Variants in MRTFB observed in about 807,000 individuals in gnomAD.
The protein encoded by MRTFB is myocardin-related transcription factor B.
A neutral mutation model predicts 104.2 loss-of-function variants in MRTFB; 29 were observed. That is an observed-to-expected ratio of 0.28 (90% confidence interval 0.21 to 0.38). The LOEUF (loss-of-function observed/expected upper bound fraction) is 0.38. Among genes scored for constraint, MRTFB ranks in the 10% least tolerant of loss-of-function variants. The pLI is 1.00. For missense variants in MRTFB, 1,270 were observed against 1,341.6 expected (o/e 0.95, Z 0.83); for synonymous variants, 535 against 519.5 (o/e 1.03, Z -0.41).
chr16:14,216,672 C>T (rs1347935948), intron 6 of MRTFB, among the ~76,000 whole-genome samples: 3 of 151,990 alleles, frequency 2.0e-5, no homozygotes, highest in Admixed American at 2.0e-4. Context: ...TAGCTCTTCC[C>T]ATTGACCTCT....
At chr16:14,160,739 A>G (rs147388895) in intron 3 of MRTFB, among the ~76,000 whole-genome samples, 8 of 152,162 alleles carry the variant, frequency 5.3e-5, no homozygotes, top group African/African-American at 1.7e-4. Flanking sequence ...ACTTACAGAT[A>G]TTTTATTTTT....
the MRTFB span, among the ~76,000 whole-genome samples, chr16:14,048,328 G>C: frequency 6.6e-6 from 1 of 152,176 alleles, no homozygotes; most frequent in Admixed American, 6.5e-5. Context: ...ATGGGATAGA[G>C]GGCTCCTGGA....
chr16:14,127,930 T>TATATATA (rs1491428460), intron 2 of MRTFB, among the ~76,000 whole-genome samples: 111 of 31,504 alleles, frequency 3.5e-3, no homozygotes, highest in African/African-American at 5.2e-3. Context: ...TATATATATA[T>TATATATA]TTTTTTTTTT....
chr16:14,118,658 C>T (rs9927974), intron 2 of MRTFB, among the ~76,000 whole-genome samples: 11,113 of 151,474 alleles, frequency 0.073, 770 homozygotes, highest in African/African-American at 0.18. Flanking sequence ...AAAAATTAGC[C>T]TGGTGTGGTG....
intron 8 of MRTFB, among the ~76,000 whole-genome samples, chr16:14,225,576 T>G (rs2151265803): frequency 6.6e-6 from 1 of 152,296 alleles, no homozygotes; most frequent in Non-Finnish European, 1.5e-5. Flanking sequence ...CAAACCCAGT[T>G]TCTCAGAGAG....
chr16:14,084,627 A>G (rs766716947), intron 2 of MRTFB, among the ~76,000 whole-genome samples: 4 of 152,344 alleles, frequency 2.6e-5, no homozygotes, highest in East Asian at 1.9e-4. Flanking sequence ...GGAATAGCAT[A>G]TAGAATATGA....
rs560457480 is a variant in MRTFB, at chr16:14,264,087, T to C, written c.*2643T>C. 6.6e-6 allele frequency: 1 copy of C among 152,348 alleles called. No homozygotes were observed. The highest frequency in any genetic ancestry group is 2.1e-4 in the South Asian group (1 of 4,834). The allele number at this position is 152,348 out of a possible 1,614,324, so 9.4% of individuals were successfully genotyped here. On this transcript the variant is annotated 3_prime_UTR_variant, in exon 17 of 17. Transcript: ENST00000571589. ...GATATTGACTAAAGACTGGTTGTTG[T>C]TGTTGTTTAGGTTAGTGTCACAGCC...
chr16:14,022,746 C>CTTTTTTTTTTT, the MRTFB span, among the ~76,000 whole-genome samples: 7 of 88,670 alleles, frequency 7.9e-5, no homozygotes, highest in African/African-American at 3.0e-4. Flanking sequence ...TAATACTGTT[C>CTTTTTTTTTTT]TTTTTTTTTT....
At chr16:14,234,321 A>G (rs2042401940) in intron 9 of MRTFB, 38 bp downstream of exon 9, 5 of 1,606,444 alleles carry the variant, frequency 3.1e-6, no homozygotes, top group Middle Eastern at 1.7e-4. Context: ...TGGTGGCTTT[A>G]TTTGTGACTC....
intron 1 of MRTFB, among the ~76,000 whole-genome samples, chr16:14,078,335 C>A (rs776543470): frequency 2.2e-4 from 33 of 151,144 alleles, no homozygotes; most frequent in Non-Finnish European, 4.7e-4. Flanking sequence ...TGACTTTGAT[C>A]TTTTTTTTTG....
intron 3 of MRTFB, among the ~76,000 whole-genome samples, chr16:14,174,790 A>T (rs1385208141): frequency 2.0e-5 from 3 of 152,176 alleles, no homozygotes; most frequent in African/African-American, 7.2e-5. Context: ...CCTGATCTGT[A>T]ATACACATCA....
intron 3 of MRTFB, among the ~76,000 whole-genome samples, chr16:14,183,052 C>T (rs1373036389): frequency 6.6e-6 from 1 of 152,002 alleles, no homozygotes; most frequent in Non-Finnish European, 1.5e-5. Flanking sequence ...AAGCACCTTC[C>T]CACAGAATAA....
the MRTFB span, among the ~76,000 whole-genome samples, chr16:13,998,569 C>A: frequency 2.6e-5 from 4 of 151,800 alleles, no homozygotes; most frequent in South Asian, 8.3e-4. Flanking sequence ...TCACTTGAAC[C>A]CAGGAGTTTG....
At chr16:14,027,993 G>A in the MRTFB span, among the ~76,000 whole-genome samples, 1 of 152,074 alleles carries the variant, frequency 6.6e-6, no homozygotes, top group Non-Finnish European at 1.5e-5. Context: ...CCTGGCCAAT[G>A]TGGCGAAATC....
At position 14,134,328 on chromosome 16, in the gene MRTFB, C is replaced by A. The variant is rs375366722; in HGVS notation, c.-63-6216C>A. ...AAAATCCAACAGCTACAAATAAAAACTCTACTTAGAAGTTATTTATTTGAA... is the reference window on the plus strand; with the variant it reads ...AAAATCCAACAGCTACAAATAAAAAATCTACTTAGAAGTTATTTATTTGAA... On this transcript the variant is annotated intron_variant, in intron 2 of 16. Transcript: ENST00000571589. Among the ~76,000 whole-genome samples the A allele has an allele frequency of 9.5e-3, 1,451 of 152,270 alleles. 25 individuals are homozygous for A. The highest frequency in any genetic ancestry group is 0.033 in the African/African-American group (1,381 of 41,534).
Position 14,187,315 on chromosome 16 carries a change from T to G in MRTFB, c.155-22928T>G, listed in dbSNP as rs2039991708. Among the ~76,000 whole-genome samples the G allele has an allele frequency of 2.0e-5, 3 of 152,224 alleles. No individual in the cohort carries two copies. In the South Asian group the frequency reaches 6.2e-4, roughly 31 times the overall value. On this transcript the variant is annotated intron_variant, in intron 3 of 16. Transcript: ENST00000571589. ...TGGTAAAATCTTCCCAGGTTCATTT[T>G]GTATATTTTCTTCCTTTTTTTCTCT... is the stretch of plus-strand genomic sequence containing the variant.
At chr16:14,232,817 C>T (rs1019577227) in intron 8 of MRTFB, among the ~76,000 whole-genome samples, 5 of 152,096 alleles carry the variant, frequency 3.3e-5, no homozygotes, top group African/African-American at 9.7e-5. Flanking sequence ...CTGCTAATAG[C>T]CCTCCAAGTT....
At chr16:14,036,295 T>TA in the MRTFB span, among the ~76,000 whole-genome samples, 699 of 62,050 alleles carry the variant, frequency 0.011, 14 homozygotes, top group African/African-American at 0.02. Context: ...TTTATATATA[T>TA]TTATATATAT....
At chr16:14,218,751 C>A in intron 7 of MRTFB, 69 bp from the exon 8 acceptor site, 1 of 1,435,718 alleles carries the variant, frequency 7.0e-7, no homozygotes, top group Non-Finnish European at 9.4e-7. Flanking sequence ...ACAATGTTTT[C>A]CTCCTTCACA....
Sources: allele counts gnomAD v4.1 joint callset (sites outside exome capture counted in the v4.1 genomes callset), GRCh38; gene constraint gnomAD v4.1.1; transcripts MANE v1.5; gene names NCBI Gene and HGNC (gene_info 2026-07-23, HGNC 2026-07-21).